KLHL29: variants seen among roughly 807,000 people sequenced by gnomAD.
KLHL29 encodes kelch-like protein 29.
KLHL29 carries 21 observed loss-of-function variants against 80.4 expected under a neutral mutation model. The ratio of observed to expected loss-of-function variants is 0.26; its 90% confidence interval spans 0.19 to 0.38. The LOEUF (loss-of-function observed/expected upper bound fraction) is 0.38, where lower values mean the gene tolerates loss of function less well. Ranked by LOEUF, KLHL29 falls within the 10% of genes least tolerant of loss-of-function variation. The pLI, the probability that KLHL29 is intolerant of heterozygous loss-of-function variation, is 1.00. For synonymous variants in KLHL29, 511 were observed against 526.8 expected, an observed-to-expected ratio of 0.97 and a Z score of 0.41; for missense variants, 867 against 1,223.9, an observed-to-expected ratio of 0.71 and a Z score of 4.35.
intron 2 of KLHL29, among the ~76,000 whole-genome samples, chr2:23,486,301 G>A (rs1664931614): frequency 6.6e-6 from 1 of 152,036 alleles, no homozygotes; most frequent in African/African-American, 2.4e-5. Context: ...TCAGCACACA[G>A]TGTCCAGCAG....
At chr2:23,674,077 A>C (rs1670858394) in intron 5 of KLHL29, among the ~76,000 whole-genome samples, 1 of 152,156 alleles carries the variant, frequency 6.6e-6, no homozygotes, top group Non-Finnish European at 1.5e-5. Flanking sequence ...AGGAAGAACC[A>C]GCCATCCCCT....
chr2:23,412,838 G>T (rs929426757), intron 1 of KLHL29, among the ~76,000 whole-genome samples: 1 of 152,082 alleles, frequency 6.6e-6, no homozygotes, highest in Non-Finnish European at 1.5e-5. Flanking sequence ...GGCAGGTGTC[G>T]GCCTTGGAGG....
intron 5 of KLHL29, among the ~76,000 whole-genome samples, chr2:23,663,255 AC>A (rs1055640392): frequency 6.6e-6 from 1 of 152,180 alleles, no homozygotes; most frequent in African/African-American, 2.4e-5. Flanking sequence ...GTAGCAAGCA[AC>A]CCAGAAGTGT....
At chr2:23,486,530 G>T (rs1314317010) in intron 2 of KLHL29, among the ~76,000 whole-genome samples, 1 of 152,140 alleles carries the variant, frequency 6.6e-6, no homozygotes, top group Non-Finnish European at 1.5e-5. Flanking sequence ...GGCCATGTGG[G>T]GGCTTCTGGG....
intron 2 of KLHL29, among the ~76,000 whole-genome samples, chr2:23,518,890 T>C (rs1666017476): frequency 6.6e-6 from 1 of 152,196 alleles, no homozygotes; most frequent in Non-Finnish European, 1.5e-5. Context: ...TGAGCAGGCA[T>C]CAGAAGCAGC....
chr2:23,508,333 C>T (rs1414504021), intron 2 of KLHL29, among the ~76,000 whole-genome samples: 1 of 152,212 alleles, frequency 6.6e-6, no homozygotes, highest in East Asian at 1.9e-4. Flanking sequence ...GGGTGGTCCA[C>T]CTGCAGGGGC....
In KLHL29 at chr2:23,679,983, G is replaced by C. The variant is rs1572490238; in HGVS notation, c.941-4416G>C. On this transcript the variant is annotated intron_variant, in intron 5 of 13. Transcript: ENST00000486442. ...GGGAGCAAAGGGTCCCCTGGGAGTG[G>C]AGGAGGAGCGGAGGGAACGGGGAGA... Among the ~76,000 whole-genome samples the C allele has an allele frequency of 2.0e-5, 3 of 152,218 alleles. No individual in the cohort carries two copies. The East Asian group carries it at 5.8e-4, about 29-fold the overall frequency.
chr2:23,701,793 CTTTTTTT>C (rs70941586), intron 11 of KLHL29, among the ~76,000 whole-genome samples: 124 of 22,510 alleles, frequency 5.5e-3, no homozygotes, highest in East Asian at 0.029. Flanking sequence ...CTTTTTTTTG[CTTTTTTT>C]TTTTTTTTTT....
intron 3 of KLHL29, among the ~76,000 whole-genome samples, chr2:23,595,136 C>A (rs1256304712): frequency 6.6e-6 from 1 of 152,130 alleles, no homozygotes; most frequent in South Asian, 2.1e-4. Context: ...AACTTTGGTT[C>A]TCTGTTGCAG....
intron 2 of KLHL29, among the ~76,000 whole-genome samples, chr2:23,505,922 A>G (rs1397282598): frequency 6.6e-6 from 1 of 152,172 alleles, no homozygotes; most frequent in African/African-American, 2.4e-5. Context: ...GGGTCTCTGA[A>G]GAGGATGTTC....
intron 11 of KLHL29, among the ~76,000 whole-genome samples, chr2:23,701,635 C>T (rs976961343): frequency 2.0e-5 from 3 of 150,558 alleles, no homozygotes; most frequent in Admixed American, 6.7e-5. Context: ...ATTGTTTAAG[C>T]CCAGAAGATC....
chr2:23,693,074 T>C (rs567820505), intron 7 of KLHL29, among the ~76,000 whole-genome samples, 195 bp from the exon 8 acceptor site: 157 of 151,890 alleles, frequency 1.0e-3, no homozygotes, highest in Middle Eastern at 6.8e-3. Context: ...CAGCATGAAA[T>C]GGGGTAGGGG....
chr2:23,480,601 T>C (rs779880922), intron 2 of KLHL29, among the ~76,000 whole-genome samples: 2 of 152,232 alleles, frequency 1.3e-5, no homozygotes, highest in Non-Finnish European at 2.9e-5. Flanking sequence ...TTTCAACTCA[T>C]AGGTGTTATT....
intron 1 of KLHL29, among the ~76,000 whole-genome samples, chr2:23,448,765 C>T (rs1377793682): frequency 6.6e-6 from 1 of 152,184 alleles, no homozygotes; most frequent in Admixed American, 6.5e-5. Flanking sequence ...TTCAGCACAC[C>T]TGCAAAACTG....
chr2:23,633,465 A>G (rs994166196), intron 3 of KLHL29, among the ~76,000 whole-genome samples: 1 of 152,122 alleles, frequency 6.6e-6, no homozygotes, highest in Non-Finnish European at 1.5e-5. Flanking sequence ...TAAGATACAC[A>G]GTAGTCTGTG....
chr2:23,445,151 TAAGTG>T (rs1663635956), intron 1 of KLHL29, among the ~76,000 whole-genome samples: 1 of 152,232 alleles, frequency 6.6e-6, no homozygotes, highest in African/African-American at 2.4e-5. Flanking sequence ...ACAAGGGCAT[TAAGTG>T]AAGACTTTAT....
At position 23,437,678 on chromosome 2, in the gene KLHL29, T is replaced by C. The variant is rs903974820; in HGVS notation, c.-153-37882T>C. On this transcript the variant is annotated intron_variant, in intron 1 of 13. Coordinates refer to ENST00000486442, the MANE Select transcript of KLHL29 (RefSeq NM_052920.2). ...GTGGCCATTGATCTATATCTCTGTT[T>C]TGGTACCAGTACCATGCTGTTTTGG... Among the ~76,000 whole-genome samples, 8 of 152,216 alleles carry C rather than the reference T, an allele frequency of 5.3e-5. No individual in the cohort carries two copies. In the South Asian group the frequency reaches 1.7e-3, roughly 32 times the overall value.
At chr2:23,445,164 T>C (rs60947230) in intron 1 of KLHL29, among the ~76,000 whole-genome samples, 16,861 of 152,156 alleles carry the variant, frequency 0.11, 1,886 homozygotes, top group East Asian at 0.29. Flanking sequence ...GTGAAGACTT[T>C]ATATATGTGG....
chr2:23,555,966 G>A (rs1426382359), intron 2 of KLHL29, among the ~76,000 whole-genome samples: 5 of 152,208 alleles, frequency 3.3e-5, no homozygotes, highest in African/African-American at 1.2e-4. Flanking sequence ...GCATTGAGAC[G>A]CCAGCATGTG....
Sources: gnomAD v4.1 joint callset for allele counts (sites outside exome capture counted in the v4.1 genomes callset) on GRCh38, gnomAD v4.1.1 for gene constraint, MANE v1.5 for transcripts, NCBI Gene and HGNC (gene_info 2026-07-23, HGNC 2026-07-21) for gene names.